Variants in CNTNAP2 observed in about 807,000 individuals in gnomAD.
CNTNAP2 encodes the protein contactin-associated protein-like 2.
CNTNAP2 carries 98 observed loss-of-function variants against 155.2 expected under a neutral mutation model. The ratio of observed to expected loss-of-function variants is 0.63; its 90% CI spans 0.54 to 0.75. CNTNAP2 has a LOEUF of 0.75. Ranked by LOEUF, CNTNAP2 falls within the 30% of genes least tolerant of loss-of-function variation. The pLI, the probability that CNTNAP2 is intolerant of heterozygous loss-of-function variation, is 0.00. For synonymous variants in CNTNAP2, 651 were observed against 631.2 expected (o/e 1.03, Z -0.47); for missense variants, 1,727 against 1,688.1 (o/e 1.02, Z -0.40).
chr7:148,175,538 T>C (rs1414514732), intron 18 of CNTNAP2, among the ~76,000 whole-genome samples: 3 of 152,144 alleles, frequency 2.0e-5, no homozygotes, highest in Non-Finnish European at 2.9e-5. Context: ...TTAGCAGAAC[T>C]CATTTTCCAC....
At chr7:147,065,416 C>G (rs551719729) in intron 4 of CNTNAP2, among the ~76,000 whole-genome samples, 1 of 152,146 alleles carries the variant, frequency 6.6e-6, no homozygotes, top group Non-Finnish European at 1.5e-5. Flanking sequence ...TTTGTTCTAA[C>G]TAACTATTCA....
intron 1 of CNTNAP2, among the ~76,000 whole-genome samples, chr7:146,661,343 C>G (rs896526883): frequency 6.6e-6 from 1 of 151,866 alleles, no homozygotes; most frequent in African/African-American, 2.4e-5. Context: ...TCACCATTTT[C>G]ATGTGTACGG....
At chr7:146,463,332 C>T (rs560183713) in intron 1 of CNTNAP2, among the ~76,000 whole-genome samples, 3 of 152,134 alleles carry the variant, frequency 2.0e-5, no homozygotes, top group African/African-American at 7.2e-5. Flanking sequence ...TTGAATTCTT[C>T]TGTCTCTTCC....
chr7:147,733,817 G>A (rs1796789435), intron 13 of CNTNAP2, among the ~76,000 whole-genome samples: 1 of 152,220 alleles, frequency 6.6e-6, no homozygotes, highest in Non-Finnish European at 1.5e-5. Flanking sequence ...TTGGCTCTCT[G>A]TCTGTTATTG....
intron 1 of CNTNAP2, among the ~76,000 whole-genome samples, chr7:146,525,330 C>T (rs1797672600): frequency 6.6e-6 from 1 of 152,040 alleles, no homozygotes; most frequent in African/African-American, 2.4e-5. Context: ...TTCATGTTGT[C>T]ACATTTACAT....
intron 15 of CNTNAP2, among the ~76,000 whole-genome samples, chr7:147,986,733 C>T (rs184946959): frequency 6.6e-6 from 1 of 152,234 alleles, no homozygotes; most frequent in Admixed American, 6.5e-5. Context: ...CTATCAACAG[C>T]TGAGTGGGTA....
intron 8 of CNTNAP2, among the ~76,000 whole-genome samples, chr7:147,234,529 C>G (rs1168443707): frequency 6.6e-6 from 1 of 151,902 alleles, no homozygotes; most frequent in Non-Finnish European, 1.5e-5. Context: ...TTAGTAGAGA[C>G]AGGGTTTCAC....
At chr7:146,803,672 A>G (rs1802919835) in intron 2 of CNTNAP2, among the ~76,000 whole-genome samples, 2 of 152,236 alleles carry the variant, frequency 1.3e-5, no homozygotes, top group Admixed American at 1.3e-4. Context: ...ATAGATGCAT[A>G]TAATTTTAAA....
At chr7:147,729,428 GCACA>G (rs3053507) in intron 13 of CNTNAP2, among the ~76,000 whole-genome samples, 120 of 149,320 alleles carry the variant, frequency 8.0e-4, no homozygotes, top group African/African-American at 2.8e-3. Flanking sequence ...ACACACACAC[GCACA>G]CACACACACA....
intron 13 of CNTNAP2, among the ~76,000 whole-genome samples, chr7:147,737,081 G>A (rs1030271827): frequency 1.3e-5 from 2 of 152,162 alleles, no homozygotes; most frequent in Admixed American, 1.3e-4. Flanking sequence ...GCATTCCTTT[G>A]GAGGTGGAGA....
chr7:147,614,578 C>T (rs543403128), intron 12 of CNTNAP2, among the ~76,000 whole-genome samples: 1 of 151,216 alleles, frequency 6.6e-6, no homozygotes, highest in South Asian at 2.1e-4. Context: ...TATCAGCTCC[C>T]CATCTTCTCT....
intron 1 of CNTNAP2, among the ~76,000 whole-genome samples, chr7:146,621,959 T>A (rs1799325343): frequency 6.6e-6 from 1 of 152,158 alleles, no homozygotes; most frequent in Non-Finnish European, 1.5e-5. Context: ...TAATTTGGAT[T>A]ATATTCTAAT....
intron 1 of CNTNAP2, among the ~76,000 whole-genome samples, chr7:146,594,809 G>A (rs1209850300): frequency 6.6e-6 from 1 of 152,056 alleles, no homozygotes; most frequent in African/African-American, 2.4e-5. Context: ...AATATTTAAT[G>A]ACTGGCTCTC....
chr7:147,606,867 C>T (rs1269709907), intron 12 of CNTNAP2, among the ~76,000 whole-genome samples: 1 of 152,054 alleles, frequency 6.6e-6, no homozygotes, highest in Non-Finnish European at 1.5e-5. Flanking sequence ...TGGCAGTGTC[C>T]TGCATGGGGG....
chr7:147,596,773 G>C (rs1800833670), intron 12 of CNTNAP2, among the ~76,000 whole-genome samples: 1 of 152,144 alleles, frequency 6.6e-6, no homozygotes. Context: ...TAAGTCACAG[G>C]ATGGAATAGG....
At chr7:146,720,309 C>T (rs1406739177) in intron 1 of CNTNAP2, among the ~76,000 whole-genome samples, 1 of 152,090 alleles carries the variant, frequency 6.6e-6, no homozygotes, top group Non-Finnish European at 1.5e-5. Flanking sequence ...TACCTCTTTA[C>T]TGGCTCACTT....
At chr7:147,429,526 T>G (rs73158362) in intron 10 of CNTNAP2, among the ~76,000 whole-genome samples, 2,435 of 152,284 alleles carry the variant, frequency 0.016, 34 homozygotes, top group Non-Finnish European at 0.022. Flanking sequence ...GTCTATTTAC[T>G]CTGCTGATAA....
chr7:146,222,200 C>A (rs1417984662), intron 1 of CNTNAP2, among the ~76,000 whole-genome samples: 1 of 152,170 alleles, frequency 6.6e-6, no homozygotes, highest in African/African-American at 2.4e-5. Context: ...TGTGCAGACA[C>A]CTCTGGGGAT....
At chr7:147,840,307 T>C (rs1047275460) in intron 13 of CNTNAP2, among the ~76,000 whole-genome samples, 3 of 152,142 alleles carry the variant, frequency 2.0e-5, no homozygotes, top group African/African-American at 4.8e-5. Context: ...CCCCTAAATC[T>C]ATAAAAATTT....
Sources: gnomAD v4.1 joint callset for allele counts (sites outside exome capture counted in the v4.1 genomes callset) on GRCh38, gnomAD v4.1.1 for gene constraint, MANE v1.5 for transcripts, NCBI Gene and HGNC (gene_info 2026-07-23, HGNC 2026-07-21) for gene names.